The following ZNF804A variants were observed in gnomAD, a reference collection of about 807,000 sequenced individuals.
The protein encoded by ZNF804A is zinc finger protein 804A.
In ZNF804A, 2 loss-of-function variants were observed where a neutral mutation model predicts 16.5. The ratio of observed to expected loss-of-function variants is 0.12; its 90% CI spans 0.05 to 0.38. The LOEUF (loss-of-function observed/expected upper bound fraction) is 0.38, where lower values mean the gene tolerates loss of function less well. Among genes scored for constraint, ZNF804A ranks in the 10% least tolerant of loss-of-function variants. The probability of loss-of-function intolerance (pLI) is 0.99; values close to 1 mark genes in which losing one functional copy is unlikely to be tolerated. For synonymous variants in ZNF804A, 534 were observed against 489.6 expected, an observed-to-expected ratio of 1.09 and a Z score of -1.20; for missense variants, 1,473 against 1,390.7, an observed-to-expected ratio of 1.06 and a Z score of -0.94.
intron 1 of ZNF804A, among the ~76,000 whole-genome samples, chr2:184,669,529 G>T (rs896865006): frequency 5.9e-5 from 9 of 151,982 alleles, no homozygotes; most frequent in African/African-American, 1.9e-4. Context: ...AAAAATTATT[G>T]ATCTCCTTCT....
intron 1 of ZNF804A, among the ~76,000 whole-genome samples, chr2:184,862,949 A>T (rs1695821655): frequency 1.3e-5 from 2 of 151,990 alleles, no homozygotes; most frequent in African/African-American, 4.8e-5. Flanking sequence ...TGCTTTTGTG[A>T]TTATGTTCTT....
intron 2 of ZNF804A, among the ~76,000 whole-genome samples, chr2:184,888,376 G>T (rs1574257661): frequency 1.3e-5 from 2 of 152,214 alleles, no homozygotes; most frequent in Admixed American, 1.3e-4. Flanking sequence ...ATGTGTAAGA[G>T]ATGTAATATA....
intron 1 of ZNF804A, among the ~76,000 whole-genome samples, chr2:184,692,915 A>G (rs2105726358): frequency 6.6e-6 from 1 of 152,338 alleles, no homozygotes; most frequent in African/African-American, 2.4e-5. Context: ...CACCTTCTAT[A>G]AAATGAATAG....
At position 184,604,558 on chromosome 2, in the gene ZNF804A, C is replaced by G. The variant is rs373053438; in HGVS notation, c.111+5488C>G. 1.6e-4 allele frequency among the ~76,000 whole-genome samples: 24 copies of G among 152,214 alleles called. No homozygotes were observed. In the East Asian group the frequency reaches 4.4e-3, roughly 28 times the overall value. On this transcript the variant is annotated intron_variant, in intron 1 of 3. Coordinates refer to ENST00000302277, the MANE Select transcript of ZNF804A (RefSeq NM_194250.2). ...ATGGAATTATATTCAGGGCCAAATTCAGGCTGCCAAATTAGTTTGTTTAAT... is the reference window on the plus strand; with the variant it reads ...ATGGAATTATATTCAGGGCCAAATTGAGGCTGCCAAATTAGTTTGTTTAAT...
At chr2:184,600,278 C>T (rs1691024367) in intron 1 of ZNF804A, among the ~76,000 whole-genome samples, 1 of 152,242 alleles carries the variant, frequency 6.6e-6, no homozygotes, top group East Asian at 1.9e-4. Context: ...TAAAGTTTTA[C>T]GTAAATTCTT....
chr2:184,739,477 T>C (rs6751429), intron 1 of ZNF804A, among the ~76,000 whole-genome samples: 15 of 152,180 alleles, frequency 9.9e-5, no homozygotes, highest in Non-Finnish European at 1.0e-4. Context: ...CACTGCAACC[T>C]CTGCATCCTG....
At chr2:184,868,162 C>T (rs1215831786) in intron 2 of ZNF804A, among the ~76,000 whole-genome samples, 1 of 151,970 alleles carries the variant, frequency 6.6e-6, no homozygotes, top group Non-Finnish European at 1.5e-5. Flanking sequence ...TGATCAAATC[C>T]TAAAAACAGC....
chr2:184,630,964 T>C (rs1691597619), intron 1 of ZNF804A, among the ~76,000 whole-genome samples: 1 of 152,152 alleles, frequency 6.6e-6, no homozygotes, highest in Admixed American at 6.6e-5. Flanking sequence ...TTAATAAATA[T>C]GTAGCACAAA....
intron 1 of ZNF804A, among the ~76,000 whole-genome samples, chr2:184,632,211 C>A (rs1012731937): frequency 6.6e-6 from 1 of 151,684 alleles, no homozygotes. Context: ...CACTTTAACT[C>A]AGTAATTTTA....
intron 2 of ZNF804A, among the ~76,000 whole-genome samples, chr2:184,890,789 T>C (rs1371513187): frequency 6.6e-6 from 1 of 150,882 alleles, no homozygotes; most frequent in Non-Finnish European, 1.5e-5. Context: ...TATAATTATT[T>C]AAATATTTTA....
intron 1 of ZNF804A, among the ~76,000 whole-genome samples, chr2:184,745,375 C>A (rs1693773288): frequency 6.6e-6 from 1 of 151,680 alleles, no homozygotes; most frequent in Admixed American, 6.6e-5. Context: ...ATTTGCCATG[C>A]ATAATAGCTA....
chr2:184,721,632 G>A (rs1418168957), intron 1 of ZNF804A, among the ~76,000 whole-genome samples: 1 of 152,022 alleles, frequency 6.6e-6, no homozygotes, highest in African/African-American at 2.4e-5. Context: ...ATACACTGTT[G>A]GTGGAAATGT....
intron 1 of ZNF804A, among the ~76,000 whole-genome samples, chr2:184,630,571 T>A (rs1691589543): frequency 6.6e-6 from 1 of 152,190 alleles, no homozygotes; most frequent in Non-Finnish European, 1.5e-5. Context: ...CTTCTAAATA[T>A]AATCCTGAAC....
intron 1 of ZNF804A, among the ~76,000 whole-genome samples, chr2:184,659,760 C>G (rs1045536957): frequency 5.9e-5 from 9 of 152,080 alleles, no homozygotes; most frequent in African/African-American, 2.2e-4. Context: ...AAAGTATTAA[C>G]TCCTTTCGGA....
chr2:184,798,988 T>C (rs1162537219), intron 1 of ZNF804A, among the ~76,000 whole-genome samples: 3 of 152,112 alleles, frequency 2.0e-5, no homozygotes, highest in Admixed American at 6.6e-5. Flanking sequence ...CAAGCTGCAA[T>C]GATTGCTGTC....
At chr2:184,859,305 T>G in intron 1 of ZNF804A, among the ~76,000 whole-genome samples, 1 of 152,076 alleles carries the variant, frequency 6.6e-6, no homozygotes, top group East Asian at 1.9e-4. Flanking sequence ...TTTTAATTAT[T>G]TCTCCTCTGA....
At chr2:184,870,219 G>A (rs886072359) in intron 2 of ZNF804A, among the ~76,000 whole-genome samples, 2 of 151,914 alleles carry the variant, frequency 1.3e-5, no homozygotes, top group Non-Finnish European at 2.9e-5. Context: ...AAAGCAAAGT[G>A]CAATGCTTTC....
At chr2:184,890,620 A>G (rs576140758) in intron 2 of ZNF804A, among the ~76,000 whole-genome samples, 38 of 152,100 alleles carry the variant, frequency 2.5e-4, no homozygotes, top group African/African-American at 8.9e-4. Flanking sequence ...TTTATTTTCT[A>G]TTTTGTAACT....
At chr2:184,903,143 T>A (rs1430101116) in intron 2 of ZNF804A, among the ~76,000 whole-genome samples, 1 of 152,144 alleles carries the variant, frequency 6.6e-6, no homozygotes, top group Non-Finnish European at 1.5e-5. Flanking sequence ...GTTTTATCAG[T>A]ACTTTCTATT....
Sources: allele counts gnomAD v4.1 joint callset (sites outside exome capture counted in the v4.1 genomes callset), GRCh38; gene constraint gnomAD v4.1.1; transcripts MANE v1.5; gene names NCBI Gene and HGNC (gene_info 2026-07-23, HGNC 2026-07-21).